Variants in GPR158 observed in about 807,000 individuals in gnomAD.
The protein encoded by GPR158 is G protein-coupled receptor 158.
GPR158 carries 30 observed loss-of-function variants against 78.2 expected under a neutral mutation model. The observed-to-expected ratio is 0.38, with a 90% confidence interval of 0.29 to 0.52. GPR158 has a LOEUF of 0.52. Ranked by LOEUF, GPR158 falls within the 20% of genes least tolerant of loss-of-function variation. The probability of loss-of-function intolerance (pLI) is 0.83; values close to 1 mark genes in which losing one functional copy is unlikely to be tolerated. For synonymous variants in GPR158, 581 were observed against 591.1 expected (o/e 0.98, Z 0.25); for missense variants, 1,463 against 1,523.5 (o/e 0.96, Z 0.66).
intron 2 of GPR158, among the ~76,000 whole-genome samples, chr10:25,305,969 C>T (rs1201620530): frequency 6.6e-6 from 1 of 152,124 alleles, no homozygotes; most frequent in African/African-American, 2.4e-5. Flanking sequence ...GTTAATGATT[C>T]ATGTATTTTC....
chr10:25,562,977 T>C (rs1427073364), intron 6 of GPR158, among the ~76,000 whole-genome samples: 8 of 152,210 alleles, frequency 5.3e-5, no homozygotes, highest in Admixed American at 5.2e-4. Context: ...TACAGATATG[T>C]TCATAACTGT....
chr10:25,538,178 C>A (rs2130700176), intron 5 of GPR158, among the ~76,000 whole-genome samples: 1 of 152,176 alleles, frequency 6.6e-6, no homozygotes, highest in East Asian at 1.9e-4. Flanking sequence ...GGAGAGAAAA[C>A]AAGAAGCCAA....
intron 2 of GPR158, among the ~76,000 whole-genome samples, chr10:25,243,175 A>G (rs1449495469): frequency 6.6e-6 from 1 of 152,210 alleles, no homozygotes; most frequent in Non-Finnish European, 1.5e-5. Flanking sequence ...TCATTCACAT[A>G]CATCATATCA....
chr10:25,288,566 A>G (rs1355349313), intron 2 of GPR158, among the ~76,000 whole-genome samples: 1 of 152,222 alleles, frequency 6.6e-6, no homozygotes, highest in African/African-American at 2.4e-5. Flanking sequence ...TTATTTATTT[A>G]TAGGTTCAGC....
intron 1 of GPR158, among the ~76,000 whole-genome samples, chr10:25,179,392 A>G (rs1031001105): frequency 1.3e-5 from 2 of 152,186 alleles, no homozygotes; most frequent in Non-Finnish European, 2.9e-5. Flanking sequence ...AGGAGAAAAA[A>G]ACTTTTAGTT....
chr10:25,379,662 T>TTC (rs1834128534), intron 2 of GPR158, among the ~76,000 whole-genome samples: 1 of 150,390 alleles, frequency 6.6e-6, no homozygotes, highest in African/African-American at 2.4e-5. Flanking sequence ...TTTTTTTTTT[T>TTC]TTTCTGTACT....
intron 2 of GPR158, among the ~76,000 whole-genome samples, chr10:25,316,202 T>G (rs1854845643): frequency 6.6e-6 from 1 of 152,124 alleles, no homozygotes; most frequent in African/African-American, 2.4e-5. Flanking sequence ...ATAGGATATG[T>G]TTCACAGTTG....
chr10:25,380,968 C>T (rs950255595), intron 2 of GPR158, among the ~76,000 whole-genome samples: 9 of 152,064 alleles, frequency 5.9e-5, no homozygotes, highest in African/African-American at 2.2e-4. Flanking sequence ...ATGCAGATAA[C>T]CTTAACATTT....
intron 2 of GPR158, among the ~76,000 whole-genome samples, chr10:25,292,191 G>A (rs1854448671): frequency 6.6e-6 from 1 of 151,876 alleles, no homozygotes; most frequent in Non-Finnish European, 1.5e-5. Flanking sequence ...TGGTGGGGGT[G>A]GGGGGTAGAA....
chr10:25,425,123 GGTAT>G (rs1402545019), intron 4 of GPR158, among the ~76,000 whole-genome samples: 1 of 152,028 alleles, frequency 6.6e-6, no homozygotes, highest in Non-Finnish European at 1.5e-5. Flanking sequence ...TAGATTCGTA[GGTAT>G]TTTATTCTCT....
intron 1 of GPR158, among the ~76,000 whole-genome samples, chr10:25,217,833 AG>A: frequency 6.6e-6 from 1 of 152,102 alleles, no homozygotes; most frequent in Non-Finnish European, 1.5e-5. Context: ...CCAGGTGTTT[AG>A]GGGATCCGAT....
At chr10:25,517,019 C>A (rs1836185386) in intron 5 of GPR158, among the ~76,000 whole-genome samples, 1 of 150,348 alleles carries the variant, frequency 6.7e-6, no homozygotes, top group South Asian at 2.1e-4. Context: ...AATGCTCTTC[C>A]ATTTGTTTGT....
intron 2 of GPR158, among the ~76,000 whole-genome samples, chr10:25,378,027 A>G (rs367971775): frequency 2.8e-4 from 42 of 152,246 alleles, no homozygotes; most frequent in African/African-American, 1.0e-3. Context: ...TATCCTTGCC[A>G]ACACTTGTTT....
chr10:25,366,006 C>G (rs1025831945), intron 2 of GPR158, among the ~76,000 whole-genome samples: 1 of 151,592 alleles, frequency 6.6e-6, no homozygotes, highest in East Asian at 1.9e-4. Context: ...TTATTTTGTT[C>G]AACATTGAGT....
In GPR158 at chr10:25,551,176, G is replaced by A. The variant is rs56022543; in HGVS notation, c.1514+91G>A. ...GTTAGCTGGGCTGACCACTTAAATG[G>A]CTCAGTTTCAAGAATTTACATAGCA... is the stretch of plus-strand genomic sequence containing the variant. On this transcript the variant is annotated intron_variant, in intron 6 of 10. Transcript: ENST00000376351. 5,918 of 749,098 alleles carry A rather than the reference G, an allele frequency of 7.9e-3. 254 individuals carry two copies. In the African/African-American group the frequency reaches 0.09, roughly 11 times the overall value. The allele number at this position is 749,098 out of a possible 1,614,324, so 46.4% of individuals were successfully genotyped here.
intron 5 of GPR158, among the ~76,000 whole-genome samples, chr10:25,549,573 T>C (rs749585881): frequency 6.6e-6 from 1 of 152,182 alleles, no homozygotes; most frequent in Non-Finnish European, 1.5e-5. Flanking sequence ...GGACAAATTC[T>C]GTGTATGTGA....
intron 1 of GPR158, among the ~76,000 whole-genome samples, chr10:25,200,329 G>A (rs1462902894): frequency 6.6e-6 from 1 of 152,052 alleles, no homozygotes; most frequent in Non-Finnish European, 1.5e-5. Context: ...AAAAGTGTCT[G>A]TTCGTGTCCT....
chr10:25,284,211 C>T (rs376092692), intron 2 of GPR158, among the ~76,000 whole-genome samples: 1 of 152,082 alleles, frequency 6.6e-6, no homozygotes, highest in African/African-American at 2.4e-5. Context: ...TGTGAGGAGT[C>T]TTGAAGTCTC....
At chr10:25,241,338 T>TTTCTC (rs1285935336) in intron 2 of GPR158, among the ~76,000 whole-genome samples, 1 of 110,856 alleles carries the variant, frequency 9.0e-6, no homozygotes, top group African/African-American at 4.0e-5. Flanking sequence ...TCTCTTCTCT[T>TTTCTC]TTCTCTTTTC....
Sources: allele counts gnomAD v4.1 joint callset (sites outside exome capture counted in the v4.1 genomes callset), GRCh38; gene constraint gnomAD v4.1.1; transcripts MANE v1.5; gene names NCBI Gene and HGNC (gene_info 2026-07-23, HGNC 2026-07-21).